CSN1S1: variants seen among roughly 807,000 people sequenced by gnomAD.
CSN1S1 encodes the protein alpha-S1-casein.
In CSN1S1, 63 loss-of-function variants were observed where a neutral mutation model predicts 49.1. The observed-to-expected ratio is 1.28, with a 90% CI of 1.05 to 1.58. CSN1S1 has a LOEUF of 1.58. CSN1S1 is among the 40% of genes most tolerant of loss of function. CSN1S1 has a pLI of 0.00. For missense variants in CSN1S1, 260 were observed against 224.7 expected (o/e 1.16, Z -1.01); for synonymous variants, 78 against 67.1 (o/e 1.16, Z -0.79).
At chr4:69,937,720 C>G (rs1009006185) in intron 8 of CSN1S1, 80 bp from the exon 9 acceptor site, 4 of 1,087,440 alleles carry the variant, frequency 3.7e-6, no homozygotes, top group Non-Finnish European at 5.3e-6. Flanking sequence ...TCTTTGACAT[C>G]CATTTTATTT....
intron 4 of CSN1S1, among the ~76,000 whole-genome samples, chr4:69,935,662 T>C (rs544071549): frequency 6.6e-6 from 1 of 152,224 alleles, no homozygotes; most frequent in South Asian, 2.1e-4. Flanking sequence ...AGAGCTGCTT[T>C]ATATTTTAAT....
chr4:69,939,169 C>G lies in CSN1S1; in HGVS notation c.244-7C>G. The G allele has an allele frequency of 2.5e-6, 4 of 1,595,494 alleles. No homozygotes were observed. The highest frequency in any genetic ancestry group is 3.4e-6 in the Non-Finnish European group (4 of 1,166,740). ...GGGATAATTAACACTAGATTTCTTT[C>G]TTTTAGAAGATGGAATCCAGCATCA... is the stretch of plus-strand genomic sequence containing the variant. On this transcript the variant is annotated splice_polypyrimidine_tract_variant and splice_region_variant and intron_variant, in intron 9 of 15. Transcript: ENST00000246891.
At chr4:69,945,042 C>T (rs756112431) in intron 15 of CSN1S1, 38 bp downstream of exon 15, 6 of 1,599,924 alleles carry the variant, frequency 3.8e-6, no homozygotes, top group Non-Finnish European at 5.1e-6. Context: ...GATGTTCTAC[C>T]AAAGGAATGA....
chr4:69,938,979 T>C (rs1433601136), intron 9 of CSN1S1, among the ~76,000 whole-genome samples, 197 bp from the exon 10 acceptor site: 2 of 151,768 alleles, frequency 1.3e-5, no homozygotes, highest in African/African-American at 4.8e-5. Flanking sequence ...AGATAAGTTA[T>C]TAAACCTACC....
rs3822170 is a variant in CSN1S1, at chr4:69,933,057, C to T, written c.51+451C>T. ...CCTACTTTTGGAATCAAAATCAAAC[C>T]CTTATTTGAGATGGCTTGTGTCAAC... is the stretch of plus-strand genomic sequence containing the variant. On this transcript the variant is annotated intron_variant, in intron 2 of 15. Transcript: ENST00000246891. Among the ~76,000 whole-genome samples the T allele has an allele frequency of 3.3e-4, 50 of 151,888 alleles. No homozygotes were observed. In the East Asian group the frequency reaches 9.1e-3, roughly 28 times the overall value.
At chr4:69,933,231 G>A (rs1722665600) in intron 2 of CSN1S1, among the ~76,000 whole-genome samples, 1 of 151,942 alleles carries the variant, frequency 6.6e-6, no homozygotes, top group Non-Finnish European at 1.5e-5. Flanking sequence ...AATTAGATAA[G>A]TATGTGAACC....
At position 69,937,154 on chromosome 4, in the gene CSN1S1, T is replaced by G; in HGVS notation, c.219+10T>G. Reference sequence around the variant, plus strand: ...GAATGAGTCTACTCAGGTGAGACCCTTTGTTTTAAAATTATTAAACCAATA... The same window carrying G: ...GAATGAGTCTACTCAGGTGAGACCCGTTGTTTTAAAATTATTAAACCAATA... On this transcript the variant is annotated intron_variant, in intron 8 of 15. Transcript: ENST00000246891. 19 of 1,527,242 alleles carry G rather than the reference T, an allele frequency of 1.2e-5. No individual in the cohort carries two copies. Among genetic ancestry groups the G allele is most frequent in the Non-Finnish European group, 1.7e-5 (19 of 1,134,354 alleles). The allele number at this position is 1,527,242 out of a possible 1,614,324, so 94.6% of individuals were successfully genotyped here.
intron 2 of CSN1S1, among the ~76,000 whole-genome samples, chr4:69,933,503 T>G (rs1012238223): frequency 6.6e-6 from 1 of 152,024 alleles, no homozygotes; most frequent in South Asian, 2.1e-4. Context: ...TTGTTTATGC[T>G]ATAAACTAAG....
At position 69,937,146 on chromosome 4, in the gene CSN1S1, T is replaced by A. The variant is rs1578133679; in HGVS notation, c.219+2T>A. The A allele has an allele frequency of 6.5e-7, 1 of 1,532,770 alleles. No homozygotes were observed. The highest frequency in any genetic ancestry group is 8.8e-7 in the Non-Finnish European group (1 of 1,137,750). The allele number at this position is 1,532,770 out of a possible 1,614,324, so 94.9% of individuals were successfully genotyped here. ...GATACTAGGAATGAGTCTACTCAGG[T>A]GAGACCCTTTGTTTTAAAATTATTA... On this transcript the variant is annotated splice_donor_variant, in intron 8 of 15. Transcript: ENST00000246891. LOFTEE classifies it high-confidence loss of function.
intron 9 of CSN1S1, among the ~76,000 whole-genome samples, chr4:69,938,541 G>A (rs1309118446): frequency 1.3e-5 from 2 of 151,396 alleles, no homozygotes; most frequent in African/African-American, 2.4e-5. Flanking sequence ...TTTAAATGCT[G>A]ACTTATTACA....
rs771209952 is a variant in CSN1S1, at chr4:69,942,561, A to G, written c.386A>G (p.Asn129Ser). 6.3e-6 allele frequency: 10 copies of G among 1,587,528 alleles called. No homozygotes were observed. The highest frequency in any genetic ancestry group is 1.7e-4 in the Middle Eastern group (1 of 5,800). The change falls in exon 14 of 16, where the codon AAC becomes AGC. Residue 129 changes from asparagine (N) to serine (S), a missense_variant. Physicochemically the swap from Asn to Ser is conservative, Grantham distance 46. Coordinates refer to ENST00000246891, the MANE Select transcript of CSN1S1 (RefSeq NM_001890.2). ...AQEQIRRMNENSHVQVPFQQL... is the reference protein window; with the variant it reads ...AQEQIRRMNESSHVQVPFQQL... ...GAGCAAATTCGCAGAATGAATGAAA[A>G]CAGCCATGTCCAAGTGGTAATATTT...
intron 1 of CSN1S1, 65 bp from the exon 2 acceptor site, chr4:69,932,478 AT>A (rs1256406156): frequency 1.5e-5 from 21 of 1,424,194 alleles, no homozygotes; most frequent in South Asian, 1.0e-4. Flanking sequence ...AAAATCAAGA[AT>A]TTTTTTCAGG....
chr4:69,945,799 G>T (rs1723143657), intron 15 of CSN1S1, among the ~76,000 whole-genome samples: 3 of 151,760 alleles, frequency 2.0e-5, no homozygotes, highest in Non-Finnish European at 1.5e-5. Flanking sequence ...ACTTAAAAAG[G>T]TCTATAAGTT....
At chr4:69,944,284 A>G (rs1723079394) in intron 14 of CSN1S1, among the ~76,000 whole-genome samples, 1 of 151,950 alleles carries the variant, frequency 6.6e-6, no homozygotes, top group Non-Finnish European at 1.5e-5. Flanking sequence ...ATTATGAATC[A>G]ACAGAAGCAA....
intron 3 of CSN1S1, 52 bp downstream of exon 3, chr4:69,934,296 A>T: frequency 6.5e-7 from 1 of 1,533,660 alleles, no homozygotes; most frequent in Non-Finnish European, 9.0e-7. Context: ...TGAAGCACAA[A>T]CTCCAAATGT....
intron 1 of CSN1S1, 33 bp from the exon 2 acceptor site, chr4:69,932,511 A>C: frequency 1.3e-6 from 2 of 1,545,284 alleles, no homozygotes; most frequent in Non-Finnish European, 1.8e-6. Context: ...ACGTAATAAT[A>C]TCTAACTCTT....
intron 12 of CSN1S1, among the ~76,000 whole-genome samples, chr4:69,941,783 T>C (rs1578136575): frequency 1.3e-5 from 2 of 151,904 alleles, no homozygotes; most frequent in African/African-American, 4.8e-5. Context: ...TTAAACACAT[T>C]AGTACCCCAA....
Position 69,934,196 on chromosome 4 carries a change from G to A in CSN1S1, c.52-16G>A. 1 of 1,600,346 alleles carries A rather than the reference G, an allele frequency of 6.2e-7. No homozygotes were observed. Among genetic ancestry groups the A allele is most frequent in the East Asian group, 2.2e-5 (1 of 44,598 alleles). On this transcript the variant is annotated splice_polypyrimidine_tract_variant and intron_variant, in intron 2 of 15. Coordinates refer to ENST00000246891, the MANE Select transcript of CSN1S1 (RefSeq NM_001890.2). ...AGTTACTTTTTGTTTTACAATTCTT[G>A]CATTGTTTTTCACAGAAACTTCCTC...
intron 13 of CSN1S1, 39 bp from the exon 14 acceptor site, chr4:69,942,497 G>A (rs767261746): frequency 6.7e-7 from 1 of 1,488,872 alleles, no homozygotes; most frequent in Middle Eastern, 2.0e-4. Flanking sequence ...TGTACCAGAA[G>A]ATGTCTAAGT....
Sources: allele counts gnomAD v4.1 joint callset (sites outside exome capture counted in the v4.1 genomes callset), GRCh38; gene constraint gnomAD v4.1.1; transcripts MANE v1.5; gene names NCBI Gene and HGNC (gene_info 2026-07-23, HGNC 2026-07-21).